TDRD9: variants seen among roughly 807,000 people sequenced by gnomAD.
The protein encoded by TDRD9 is ATP-dependent RNA helicase TDRD9.
Under a neutral mutation model 172.6 loss-of-function variants are expected in TDRD9, and 124 were observed. The observed-to-expected ratio is 0.72, with a 90% CI of 0.62 to 0.83. The LOEUF (loss-of-function observed/expected upper bound fraction) is 0.83, where lower values mean the gene tolerates loss of function less well. TDRD9 is among the 40% of genes least tolerant of loss of function. The probability of loss-of-function intolerance (pLI) is 0.00; values close to 1 mark genes in which losing one functional copy is unlikely to be tolerated. For synonymous variants in TDRD9, 619 were observed against 617.1 expected (o/e 1.00, Z -0.05); for missense variants, 1,479 against 1,714.1 (o/e 0.86, Z 2.42).
intron 3 of TDRD9, 54 bp from the exon 4 acceptor site, chr14:103,965,279 A>G (rs2032685767): frequency 6.9e-7 from 1 of 1,446,854 alleles, no homozygotes; most frequent in African/African-American, 1.4e-5. Context: ...AATATAGGTG[A>G]TACTTTACAT....
At chr14:103,941,216 T>C in intron 1 of TDRD9, 1 of 1,013,638 alleles carries the variant, frequency 9.9e-7, no homozygotes, top group Non-Finnish European at 1.4e-6. Flanking sequence ...TTGAGTATTT[T>C]GCATGTTGTT....
intron 32 of TDRD9, among the ~76,000 whole-genome samples, chr14:104,039,372 G>GA (rs1205412135): frequency 6.6e-6 from 1 of 152,204 alleles, no homozygotes; most frequent in East Asian, 1.9e-4. Flanking sequence ...TCTAGCTGCA[G>GA]AAGCCACACA....
At chr14:104,032,590 A>G (rs140668281) in intron 30 of TDRD9, among the ~76,000 whole-genome samples, 1 of 152,232 alleles carries the variant, frequency 6.6e-6, no homozygotes, top group East Asian at 1.9e-4. Context: ...AAGCCATTCT[A>G]TGTAAGACAT....
At chr14:103,950,892 A>G (rs2031838903) in intron 1 of TDRD9, among the ~76,000 whole-genome samples, 1 of 152,216 alleles carries the variant, frequency 6.6e-6, no homozygotes, top group Non-Finnish European at 1.5e-5. Context: ...CAACCTTTCT[A>G]AAAGAATATT....
rs529407947 is a variant in TDRD9, at chr14:103,956,205, C to T, written c.322+435C>T. ...CTGTAATCCCAGCACTTTGGGAGGCCGAGGCAGGTGGATCACGAGGTCAGG... is the reference window on the plus strand; with the variant it reads ...CTGTAATCCCAGCACTTTGGGAGGCTGAGGCAGGTGGATCACGAGGTCAGG... On this transcript the variant is annotated intron_variant, in intron 2 of 35. Transcript: ENST00000409874. Among the ~76,000 whole-genome samples the T allele has an allele frequency of 8.9e-4, 119 of 132,980 alleles. 2 individuals are homozygous for T. Among genetic ancestry groups the T allele is most frequent in the Non-Finnish European group, 1.3e-3 (84 of 65,090 alleles). 87.2% of individuals were successfully genotyped at this position (132,980 alleles called of 152,430 possible).
At chr14:103,937,783 C>T (rs1045489301) in intron 1 of TDRD9, among the ~76,000 whole-genome samples, 2 of 151,840 alleles carry the variant, frequency 1.3e-5, no homozygotes, top group African/African-American at 4.8e-5. Flanking sequence ...TAGCTGGTTC[C>T]TTTCTTGAAT....
At chr14:104,028,302 C>G (rs2035184464) in intron 28 of TDRD9, among the ~76,000 whole-genome samples, 1 of 152,154 alleles carries the variant, frequency 6.6e-6, no homozygotes, top group Non-Finnish European at 1.5e-5. Flanking sequence ...AATTTACCTT[C>G]CCACCAACAG....
chr14:103,995,597 A>G lies in TDRD9; in HGVS notation c.1321-153A>G, dbSNP rs910623567. On this transcript the variant is annotated intron_variant, in intron 11 of 35. Coordinates refer to ENST00000409874, the MANE Select transcript of TDRD9 (RefSeq NM_153046.3). ...ATCAGGGGCTTCTTGATCAATTGTG[A>G]TGTGTATAAAATAGAAAAATGGCTA... Among the ~76,000 whole-genome samples the G allele has an allele frequency of 1.2e-4, 18 of 152,212 alleles. 1 individual carries two copies. The highest frequency in any genetic ancestry group is 4.3e-4 in the African/African-American group (18 of 41,450).
At chr14:104,038,673 CTGTTTTTTTGTT>C (rs148866868) in intron 32 of TDRD9, among the ~76,000 whole-genome samples, 34,969 of 151,942 alleles carry the variant, frequency 0.23, 4,827 homozygotes, top group South Asian at 0.43. Flanking sequence ...GCAGCTGTCC[CTGTTTTTTTGTT>C]TGTTTTTTTG....
intron 6 of TDRD9, among the ~76,000 whole-genome samples, chr14:103,972,922 G>A (rs893439894): frequency 6.6e-6 from 1 of 152,204 alleles, no homozygotes; most frequent in Non-Finnish European, 1.5e-5. Flanking sequence ...TAACCAAGCT[G>A]CCATTGAAGA....
chr14:103,981,618 T>C (rs1319844485), intron 7 of TDRD9, among the ~76,000 whole-genome samples: 1 of 152,216 alleles, frequency 6.6e-6, no homozygotes, highest in Admixed American at 6.5e-5. Flanking sequence ...AAAACCATTG[T>C]GAGTTGAAAT....
At chr14:104,024,764 ACACACACACAC>A (rs2035064552) in intron 25 of TDRD9, 84 bp downstream of exon 25, 7 of 469,296 alleles carry the variant, frequency 1.5e-5, no homozygotes, top group African/African-American at 2.5e-5. Flanking sequence ...ACACACACAC[ACACACACACAC>A]ACACACACAC....
At chr14:104,007,067 A>G (rs112121269) in intron 18 of TDRD9, 93 bp from the exon 19 acceptor site, 4 of 1,261,500 alleles carry the variant, frequency 3.2e-6, no homozygotes, top group Non-Finnish European at 4.4e-6. Context: ...GTAAATTTTT[A>G]TGTTGTAAAT....
At chr14:103,966,650 A>C in intron 4 of TDRD9, 59 bp from the exon 5 acceptor site, 2 of 1,427,930 alleles carry the variant, frequency 1.4e-6, no homozygotes, top group Non-Finnish European at 1.9e-6. Flanking sequence ...TATATTAATA[A>C]AATGGACATA....
intron 13 of TDRD9, among the ~76,000 whole-genome samples, 164 bp from the exon 14 acceptor site, chr14:104,004,074 A>G (rs982598486): frequency 1.3e-5 from 2 of 152,248 alleles, no homozygotes; most frequent in Admixed American, 1.3e-4. Flanking sequence ...ATAATAACTT[A>G]TTAAGAATAC....
intron 7 of TDRD9, among the ~76,000 whole-genome samples, chr14:103,981,389 C>T (rs1010520807): frequency 6.6e-5 from 10 of 152,204 alleles, no homozygotes; most frequent in African/African-American, 1.9e-4. Context: ...TGTCTGAGCC[C>T]GTGTGGTCAA....
At position 103,952,130 on chromosome 14, in the gene TDRD9, A is replaced by G. The variant is rs1430391168; in HGVS notation, c.216-3534A>G. On this transcript the variant is annotated intron_variant, in intron 1 of 35. Coordinates refer to ENST00000409874, the MANE Select transcript of TDRD9 (RefSeq NM_153046.3). ...GGCAAGTTTTATGTTATATATATAC[A>G]CGTATATATATATATGTATATACGT... 3.1e-5 allele frequency among the ~76,000 whole-genome samples: 3 copies of G among 98,192 alleles called. No individual in the cohort carries two copies. The East Asian group carries it at 9.2e-4, about 30-fold the overall frequency. 64.4% of individuals were successfully genotyped at this position (98,192 alleles called of 152,430 possible).
intron 1 of TDRD9, among the ~76,000 whole-genome samples, chr14:103,948,181 T>C (rs532349947): frequency 6.6e-6 from 1 of 151,954 alleles, no homozygotes; most frequent in East Asian, 1.9e-4. Flanking sequence ...GCCTGCTATT[T>C]TTTTTTTTTA....
At chr14:104,011,824 G>T (rs1172992879) in intron 20 of TDRD9, among the ~76,000 whole-genome samples, 1 of 152,034 alleles carries the variant, frequency 6.6e-6, no homozygotes, top group Admixed American at 6.6e-5. Flanking sequence ...TCACTGATTG[G>T]CTAGAAGGAC....
Sources: allele counts gnomAD v4.1 joint callset (sites outside exome capture counted in the v4.1 genomes callset), GRCh38; gene constraint gnomAD v4.1.1; transcripts MANE v1.5; gene names NCBI Gene and HGNC (gene_info 2026-07-23, HGNC 2026-07-21).